Variants in MMP24 observed in about 807,000 individuals in gnomAD.
The protein encoded by MMP24 is matrix metallopeptidase 24, also known as matrix metalloproteinase-24.
A neutral mutation model predicts 62.8 loss-of-function variants in MMP24; 25 were observed. The ratio of observed to expected loss-of-function variants is 0.40; its 90% CI spans 0.29 to 0.56. The LOEUF (loss-of-function observed/expected upper bound fraction) is 0.56. Ranked by LOEUF, MMP24 falls within the 20% of genes least tolerant of loss-of-function variation. The pLI is 0.50. For synonymous variants in MMP24, 319 were observed against 350.5 expected, an observed-to-expected ratio of 0.91 and a Z score of 1.00; for missense variants, 634 against 853.6, an observed-to-expected ratio of 0.74 and a Z score of 3.21.
intron 6 of MMP24, among the ~76,000 whole-genome samples, chr20:35,268,767 CT>C (rs777630580): frequency 6.7e-4 from 100 of 149,436 alleles, no homozygotes; most frequent in African/African-American, 1.8e-3. Flanking sequence ...TGGCTCACGC[CT>C]TGCAATCCCA....
At chr20:35,249,915 C>T (rs1210903813) in intron 2 of MMP24, among the ~76,000 whole-genome samples, 1 of 151,782 alleles carries the variant, frequency 6.6e-6, no homozygotes. Context: ...TTTCTGTTAC[C>T]TCACAGTGTT....
chr20:35,252,104 A>C, intron 3 of MMP24, 83 bp downstream of exon 3: 1 of 1,115,596 alleles, frequency 9.0e-7, no homozygotes, highest in Non-Finnish European at 1.4e-6. Flanking sequence ...AAGGCTCACA[A>C]TGTAGGGGGG....
At chr20:35,262,873 C>G (rs1217906255) in intron 4 of MMP24, 1 of 147,118 alleles carries the variant, frequency 6.8e-6, no homozygotes, top group African/African-American at 2.6e-5. Flanking sequence ...CTTCAAGCAT[C>G]TGTTTAACAA....
At position 35,261,490 on chromosome 20, in the gene MMP24, G is replaced by A. The variant is rs144363467; in HGVS notation, c.818-2301G>A. 3.3e-3 allele frequency among the ~76,000 whole-genome samples: 500 copies of A among 152,326 alleles called. 1 individual carries two copies. Among genetic ancestry groups the A allele is most frequent in the African/African-American group, 0.011 (449 of 41,578 alleles). On this transcript the variant is annotated intron_variant, in intron 4 of 8. Transcript: ENST00000246186. ...TGCTGGCCATATTCACAAACTGGCA[G>A]GGGGAATGAAGGTAATCTGTCCTAC...
In MMP24 at chr20:35,267,322, T is replaced by G. The variant is rs762166532; in HGVS notation, c.1097T>G (p.Leu366Arg). The change falls in exon 6 of 9, where the codon CTC (leucine) becomes CGC (arginine). Residue 366 changes from leucine to arginine, a missense_variant. This residue lies in a region of MMP24 where 399 missense variants were observed against 530.8 expected (regional missense o/e 0.75). Coordinates refer to ENST00000246186, the MANE Select transcript of MMP24 (RefSeq NM_006690.4). ...ERQPRPPRPP[L>R]GDRPSTPGTK... Reference sequence around the variant, plus strand: ...CAGCCCAGGCCCCCTCGGCCGCCCCTCGGGGACCGGCCATCCACACCAGGC... The same window carrying G: ...CAGCCCAGGCCCCCTCGGCCGCCCCGCGGGGACCGGCCATCCACACCAGGC... 2 of 1,589,676 alleles carry G rather than the reference T, an allele frequency of 1.3e-6. No homozygotes were observed. The highest frequency in any genetic ancestry group is 1.3e-5 in the African/African-American group (1 of 74,148).
chr20:35,247,009 T>G (rs1189773532), intron 2 of MMP24, 21 bp downstream of exon 2: 1 of 1,613,488 alleles, frequency 6.2e-7, no homozygotes, highest in East Asian at 2.2e-5. Flanking sequence ...CATAGGACAT[T>G]GTGCCTTTGA....
chr20:35,270,501 T>A (rs1045167228), intron 7 of MMP24, among the ~76,000 whole-genome samples: 3 of 152,186 alleles, frequency 2.0e-5, no homozygotes, highest in African/African-American at 7.2e-5. Flanking sequence ...TGGAGGCAAA[T>A]CCTGAAGAGC....
At chr20:35,250,201 C>A (rs2060537705) in intron 2 of MMP24, among the ~76,000 whole-genome samples, 3 of 152,128 alleles carry the variant, frequency 2.0e-5, no homozygotes, top group Admixed American at 1.3e-4. Flanking sequence ...CAATCTCCTG[C>A]CTCAGCTTCC....
At chr20:35,266,920 G>C (rs943787270) in intron 5 of MMP24, among the ~76,000 whole-genome samples, 1 of 152,130 alleles carries the variant, frequency 6.6e-6, no homozygotes, top group Admixed American at 6.5e-5. Context: ...GGGGCAAAGA[G>C]GGTATGGCCT....
chr20:35,238,286 G>C (rs1457871110), intron 1 of MMP24, among the ~76,000 whole-genome samples: 1 of 152,210 alleles, frequency 6.6e-6, no homozygotes, highest in Non-Finnish European at 1.5e-5. Flanking sequence ...CTAGCTGTTG[G>C]GGTGACAATG....
At chr20:35,265,871 C>T (rs1054256404) in intron 5 of MMP24, among the ~76,000 whole-genome samples, 1 of 152,058 alleles carries the variant, frequency 6.6e-6, no homozygotes, top group Non-Finnish European at 1.5e-5. Flanking sequence ...TGGACCATTT[C>T]CATCATCACA....
chr20:35,247,809 G>A (rs1298689682), intron 2 of MMP24, among the ~76,000 whole-genome samples: 2 of 152,194 alleles, frequency 1.3e-5, no homozygotes, highest in African/African-American at 4.8e-5. Context: ...AGAGCTTGTT[G>A]TTAACCTCAG....
At chr20:35,246,345 C>T (rs2060514724) in intron 1 of MMP24, among the ~76,000 whole-genome samples, 1 of 151,484 alleles carries the variant, frequency 6.6e-6, no homozygotes, top group African/African-American at 2.4e-5. Context: ...GGCATGGTGG[C>T]GTGTGCCTGT....
At chr20:35,270,765 C>T (rs758602973) in intron 7 of MMP24, among the ~76,000 whole-genome samples, 9 of 152,182 alleles carry the variant, frequency 5.9e-5, no homozygotes, top group Admixed American at 4.6e-4. Context: ...CTCGGCCAGG[C>T]GCAGTGGCTC....
intron 3 of MMP24, 21 bp from the exon 4 acceptor site, chr20:35,254,429 G>A (rs1395460763): frequency 6.3e-7 from 1 of 1,598,348 alleles, no homozygotes. Flanking sequence ...CTTGCCTAAT[G>A]ATCCTCCCCT....
intron 8 of MMP24, chr20:35,272,294 G>T: frequency 2.4e-6 from 1 of 411,674 alleles, no homozygotes. Context: ...GGAATGCTGT[G>T]GCATGATCAT....
intron 7 of MMP24, among the ~76,000 whole-genome samples, chr20:35,270,491 T>G (rs575802078): frequency 3.9e-4 from 60 of 152,346 alleles, no homozygotes; most frequent in African/African-American, 1.3e-3. Context: ...AAAGGTCATT[T>G]GGAGGCAAAT....
chr20:35,228,499 G>T (rs371075156), intron 1 of MMP24, among the ~76,000 whole-genome samples: 1 of 152,144 alleles, frequency 6.6e-6, no homozygotes, highest in African/African-American at 2.4e-5. Flanking sequence ...GGATGAGGTG[G>T]AAAGACCCTG....
rs555111402 is a variant in MMP24 at position 35,238,702 on chromosome 20, G to T, written c.247-8138G>T. 5.3e-5 allele frequency among the ~76,000 whole-genome samples: 8 copies of T among 152,172 alleles called. No individual in the cohort carries two copies. The South Asian group carries it at 1.7e-3, about 32-fold the overall frequency. The stretch of plus-strand genomic sequence containing the variant: ...AACACGCTTTCCTAGTAGCCACAGG[G>T]TCCACTCCCTCACCTCCTTCAGATC... On this transcript the variant is annotated intron_variant, in intron 1 of 8. Coordinates refer to ENST00000246186, the MANE Select transcript of MMP24 (RefSeq NM_006690.4).
Sources: gnomAD v4.1 joint callset for allele counts (sites outside exome capture counted in the v4.1 genomes callset) on GRCh38, gnomAD v4.1.1 for gene constraint, gnomAD v4.1.1 regional missense constraint, MANE v1.5 for transcripts, NCBI Gene and HGNC (gene_info 2026-07-23, HGNC 2026-07-21) for gene names.